SLCO1A2: variants seen among roughly 807,000 people sequenced by gnomAD.
The protein encoded by SLCO1A2 is solute carrier organic anion transporter family member 1A2, also known as OATP-1.
In SLCO1A2, 67 loss-of-function variants were observed where a neutral mutation model predicts 69.0. The ratio of observed to expected loss-of-function variants is 0.97; its 90% CI spans 0.80 to 1.19. The LOEUF is 1.19. Ranked by LOEUF, SLCO1A2 falls within the 50% of genes most tolerant of loss-of-function variation. The pLI, the probability that SLCO1A2 is intolerant of heterozygous loss-of-function variation, is 0.00. For synonymous variants in SLCO1A2, 260 were observed against 265.9 expected (o/e 0.98, Z 0.22); for missense variants, 787 against 793.7 (o/e 0.99, Z 0.10).
intron 2 of SLCO1A2, among the ~76,000 whole-genome samples, chr12:21,364,787 C>A (rs900772126): frequency 2.0e-5 from 3 of 152,074 alleles, no homozygotes; most frequent in African/African-American, 7.2e-5. Context: ...TGAGTGAACT[C>A]CATTCACAGT....
intron 2 of SLCO1A2, among the ~76,000 whole-genome samples, chr12:21,364,092 A>C (rs1939170175): frequency 6.6e-6 from 1 of 152,120 alleles, no homozygotes. Context: ...GAAACACAAC[A>C]AAAAAAGAGA....
chr12:21,382,552 C>A (rs551624598), intron 1 of SLCO1A2, among the ~76,000 whole-genome samples: 1 of 152,046 alleles, frequency 6.6e-6, no homozygotes, highest in Non-Finnish European at 1.5e-5. Flanking sequence ...AATCCCAGCA[C>A]TTTGGGAGGC....
intron 13 of SLCO1A2, chr12:21,274,795 A>G (rs983080065): frequency 5.7e-6 from 4 of 699,976 alleles, no homozygotes; most frequent in Non-Finnish European, 6.4e-6. Flanking sequence ...CAAATGCAAC[A>G]TAATTATTAG....
At chr12:21,311,050 C>T (rs140318997) in intron 4 of SLCO1A2, among the ~76,000 whole-genome samples, 1 of 152,338 alleles carries the variant, frequency 6.6e-6, no homozygotes, top group East Asian at 1.9e-4. Flanking sequence ...TTTTCACAGG[C>T]TCTTCATCAG....
rs939944291 is a variant in SLCO1A2 at position 21,274,531 on chromosome 12, G to A, written c.1731C>T (p.His577=). ...FGALMDSTCL[H]WGTLKCGESG... is the part of the protein sequence containing the mutation. ...ACTCACCACATTTCAAAGTTCCCCA[G>A]TGTAAACATGTGGAATCCATTAAAG... Residue 577 remains histidine (H), a synonymous_variant, in exon 14 of 15, where the codon CAC becomes CAT. Coordinates refer to ENST00000683939, the MANE Select transcript of SLCO1A2 (RefSeq NM_001386879.1). The A allele has an allele frequency of 6.2e-7, 1 of 1,613,626 alleles. No individual in the cohort carries two copies. Among genetic ancestry groups the A allele is most frequent in the Non-Finnish European group, 8.5e-7 (1 of 1,179,770 alleles).
At chr12:21,342,167 A>G (rs1042878007) in intron 2 of SLCO1A2, among the ~76,000 whole-genome samples, 4 of 152,086 alleles carry the variant, frequency 2.6e-5, no homozygotes, top group Middle Eastern at 3.2e-3. Context: ...CCTAATGAGG[A>G]GCATAAAATG....
intron 1 of SLCO1A2, chr12:21,379,653 A>G (rs1940462502): frequency 6.6e-6 from 1 of 152,158 alleles, no homozygotes; most frequent in Non-Finnish European, 1.5e-5. Context: ...CCTGACTTTG[A>G]GTTAGGTAGC....
At chr12:21,306,045 A>C (rs1470182997) in intron 5 of SLCO1A2, among the ~76,000 whole-genome samples, 1 of 152,214 alleles carries the variant, frequency 6.6e-6, no homozygotes, top group Non-Finnish European at 1.5e-5. Context: ...TATTGTGTAG[A>C]ATTTTAAAGC....
chr12:21,325,042 C>A (rs769706497), intron 2 of SLCO1A2, among the ~76,000 whole-genome samples: 1 of 152,144 alleles, frequency 6.6e-6, no homozygotes, highest in Non-Finnish European at 1.5e-5. Context: ...ATTCTCTAGT[C>A]TAGTATTTGT....
chr12:21,376,933 A>G (rs1490570531), intron 1 of SLCO1A2, among the ~76,000 whole-genome samples: 1 of 152,122 alleles, frequency 6.6e-6, no homozygotes, highest in Non-Finnish European at 1.5e-5. Flanking sequence ...TTTCCTAATA[A>G]TCAGCAAAGA....
At chr12:21,288,806 T>C (rs1227373194) in intron 12 of SLCO1A2, among the ~76,000 whole-genome samples, 1 of 151,770 alleles carries the variant, frequency 6.6e-6, no homozygotes, top group Non-Finnish European at 1.5e-5. Flanking sequence ...TATATACCCA[T>C]AAAAATTTAA....
At chr12:21,391,243 A>C (rs1365124423) in intron 1 of SLCO1A2, among the ~76,000 whole-genome samples, 1 of 152,148 alleles carries the variant, frequency 6.6e-6, no homozygotes. Flanking sequence ...TAAGTGATGA[A>C]TTCTCCTTTA....
At chr12:21,417,930 C>G (rs1942013770) in exon 1 of SLCO1A2, 1 of 152,194 alleles carries the variant, frequency 6.6e-6, no homozygotes, top group Admixed American at 6.5e-5. Context: ...GACTTTCCCA[C>G]TAAAGAACAC....
rs185132853 is a variant in SLCO1A2 at position 21,372,898 on chromosome 12, A to G, written c.-63+1501T>C. ...TATAAGAGCTGGATTACTAGTTAGC[A>G]AATGAGGGGGTAAATATTCCAGTGG... On this transcript the variant is annotated intron_variant, in intron 2 of 15. Transcript: ENST00000307378. The G allele has an allele frequency of 1.5e-3, 302 of 197,508 alleles. 3 individuals are homozygous for G. Among genetic ancestry groups the G allele is most frequent in the South Asian group, 0.014 (156 of 11,054 alleles). The allele number at this position is 197,508 out of a possible 1,614,324, so 12.2% of individuals were successfully genotyped here. A position where few individuals can be genotyped will look rare whatever the true frequency, so the allele number is the denominator to read the frequency against.
At chr12:21,302,234 C>T (rs2136459386) in intron 6 of SLCO1A2, among the ~76,000 whole-genome samples, 1 of 152,216 alleles carries the variant, frequency 6.6e-6, no homozygotes, top group African/African-American at 2.4e-5. Flanking sequence ...ACATTCTCCT[C>T]CAAATACTCT....
intron 2 of SLCO1A2, among the ~76,000 whole-genome samples, chr12:21,332,369 G>T (rs1213509317): frequency 6.6e-6 from 1 of 152,072 alleles, no homozygotes; most frequent in East Asian, 1.9e-4. Context: ...CAGGGCTTGT[G>T]GAGACCAAGG....
intron 1 of SLCO1A2, among the ~76,000 whole-genome samples, chr12:21,407,849 C>T (rs1294140179): frequency 1.3e-5 from 2 of 151,202 alleles, no homozygotes; most frequent in Admixed American, 6.6e-5. Context: ...CCTTTGGCTG[C>T]TCTGTGGAGA....
At chr12:21,393,490 T>C (rs929265001) in intron 1 of SLCO1A2, among the ~76,000 whole-genome samples, 3 of 152,208 alleles carry the variant, frequency 2.0e-5, no homozygotes, top group African/African-American at 7.2e-5. Context: ...TATTTATTTC[T>C]GTTGCTCTGT....
At chr12:21,344,545 G>T (rs1183088592) in intron 2 of SLCO1A2, among the ~76,000 whole-genome samples, 1 of 152,012 alleles carries the variant, frequency 6.6e-6, no homozygotes, top group Non-Finnish European at 1.5e-5. Context: ...TAATTAAGGA[G>T]ACTGGCTCAC....
Sources: allele counts gnomAD v4.1 joint callset (sites outside exome capture counted in the v4.1 genomes callset), GRCh38; gene constraint gnomAD v4.1.1; transcripts MANE v1.5; gene names NCBI Gene and HGNC (gene_info 2026-07-23, HGNC 2026-07-21).